Variants in PARVA observed in about 807,000 individuals in gnomAD.
The protein encoded by PARVA is alpha-parvin.
Under a neutral mutation model 52.6 loss-of-function variants are expected in PARVA, and 25 were observed. The observed-to-expected ratio is 0.48, with a 90% CI of 0.35 to 0.66. The LOEUF (loss-of-function observed/expected upper bound fraction) is 0.66, where lower values mean the gene tolerates loss of function less well. PARVA is among the 30% of genes least tolerant of loss of function. PARVA has a pLI of 0.01. For missense variants in PARVA, 373 were observed against 450.9 expected, an observed-to-expected ratio of 0.83 and a Z score of 1.56; for synonymous variants, 185 against 179.1, an observed-to-expected ratio of 1.03 and a Z score of -0.26.
chr11:12,530,328 A>C lies in PARVA; in HGVS notation c.*2403A>C, dbSNP rs1355758285. 2 of 152,290 alleles carry C rather than the reference A, an allele frequency of 1.3e-5. No individual in the cohort carries two copies. Among genetic ancestry groups the C allele is most frequent in the African/African-American group, 4.8e-5 (2 of 41,572 alleles). The allele number at this position is 152,290 out of a possible 1,614,324, so 9.4% of individuals were successfully genotyped here. A position where few individuals can be genotyped will look rare whatever the true frequency, so the allele number is the denominator to read the frequency against. ...ATCTCCTACTTAATATATGACCATG[A>C]CTTTGAAAGGCAAAAGAGGAATCAA... On this transcript the variant is annotated 3_prime_UTR_variant, in exon 13 of 13. Coordinates refer to ENST00000334956, the MANE Select transcript of PARVA (RefSeq NM_018222.5).
At chr11:12,454,327 T>G (rs1940664709) in intron 1 of PARVA, among the ~76,000 whole-genome samples, 1 of 152,234 alleles carries the variant, frequency 6.6e-6, no homozygotes, top group African/African-American at 2.4e-5. Flanking sequence ...TTTACACAAA[T>G]TGCCACTTAA....
chr11:12,496,714 A>G (rs1408776111), intron 5 of PARVA, 116 bp downstream of exon 5: 7 of 994,500 alleles, frequency 7.0e-6, no homozygotes, highest in Non-Finnish European at 8.7e-6. Flanking sequence ...GGTCAAACTC[A>G]TTTATCTTTG....
chr11:12,471,826 G>A (rs377488666), intron 1 of PARVA, among the ~76,000 whole-genome samples: 179 of 152,314 alleles, frequency 1.2e-3, no homozygotes, highest in African/African-American at 4.2e-3. Context: ...GGACAGTGCC[G>A]ATCAGTGTAG....
chr11:12,471,362 A>AATCTCTTTTAAAAATTTTATTTTTTTAAT (rs60696756), intron 1 of PARVA, among the ~76,000 whole-genome samples: 1 of 152,116 alleles, frequency 6.6e-6, no homozygotes, highest in Non-Finnish European at 1.5e-5. Context: ...TTATCCACTT[A>AATCTCTTTTAAAAATTTTATTTTTTTAAT]CTCTTTTAAA....
chr11:12,454,446 A>C (rs7941350), intron 1 of PARVA, among the ~76,000 whole-genome samples: 12,934 of 152,150 alleles, frequency 0.085, 599 homozygotes, highest in Middle Eastern at 0.12. Context: ...ACATTAGTTG[A>C]ATATTTTTTT....
At chr11:12,401,382 A>G (rs910310441) in intron 1 of PARVA, among the ~76,000 whole-genome samples, 4 of 152,224 alleles carry the variant, frequency 2.6e-5, no homozygotes, top group African/African-American at 4.8e-5. Flanking sequence ...CACTATTTCA[A>G]TTTCCAAAGA....
chr11:12,389,106 T>G (rs1273130158), intron 1 of PARVA, among the ~76,000 whole-genome samples: 1 of 152,092 alleles, frequency 6.6e-6, no homozygotes, highest in Non-Finnish European at 1.5e-5. Flanking sequence ...GGCTGAAAGT[T>G]TCTATTTGCT....
intron 4 of PARVA, among the ~76,000 whole-genome samples, chr11:12,486,328 G>T (rs1184375839): frequency 6.6e-6 from 1 of 151,918 alleles, no homozygotes; most frequent in East Asian, 1.9e-4. Flanking sequence ...GAGGTCGGGA[G>T]TTCGAGACCA....
chr11:12,444,834 C>T (rs1476381430), intron 1 of PARVA, among the ~76,000 whole-genome samples: 1 of 152,198 alleles, frequency 6.6e-6, no homozygotes, highest in Non-Finnish European at 1.5e-5. Context: ...GCAGCTAGGA[C>T]AGGGTAGAAC....
At chr11:12,377,870 A>G in intron 1 of PARVA, 87 bp downstream of exon 1, 2 of 983,754 alleles carry the variant, frequency 2.0e-6, no homozygotes, top group Non-Finnish European at 2.6e-6. Context: ...ACCGGGCGGG[A>G]GCGCGCCGCG....
intron 1 of PARVA, among the ~76,000 whole-genome samples, chr11:12,430,836 G>A (rs1262719544): frequency 3.3e-5 from 5 of 152,124 alleles, no homozygotes; most frequent in Non-Finnish European, 7.4e-5. Flanking sequence ...AAATCCAAAC[G>A]TGCTTGACAG....
intron 10 of PARVA, among the ~76,000 whole-genome samples, chr11:12,516,086 G>A (rs1941563913): frequency 6.6e-6 from 1 of 152,226 alleles, no homozygotes; most frequent in Non-Finnish European, 1.5e-5. Flanking sequence ...CGATCCGCCT[G>A]CCTCAGCCTC....
intron 10 of PARVA, 28 bp from the exon 11 acceptor site, chr11:12,517,582 C>A (rs1184705243): frequency 2.0e-6 from 3 of 1,501,350 alleles, no homozygotes; most frequent in Middle Eastern, 1.8e-4. Flanking sequence ...GCTCAGGGGC[C>A]AGTGCCATCA....
intron 8 of PARVA, among the ~76,000 whole-genome samples, chr11:12,512,343 T>G (rs1941512863): frequency 6.6e-6 from 1 of 152,186 alleles, no homozygotes; most frequent in Admixed American, 6.5e-5. Context: ...CGACTGGGTT[T>G]GTTTGTTTAT....
intron 5 of PARVA, among the ~76,000 whole-genome samples, chr11:12,499,568 T>C (rs1177373340): frequency 6.6e-6 from 1 of 152,298 alleles, no homozygotes; most frequent in African/African-American, 2.4e-5. Context: ...CTAAACACTT[T>C]ATGTATTTTA....
intron 4 of PARVA, among the ~76,000 whole-genome samples, chr11:12,486,665 A>T (rs1174690228): frequency 6.6e-6 from 1 of 152,068 alleles, no homozygotes; most frequent in Non-Finnish European, 1.5e-5. Context: ...GACCAACATG[A>T]TAAAACCTCA....
At chr11:12,390,322 C>T (rs1394205818) in intron 1 of PARVA, among the ~76,000 whole-genome samples, 1 of 152,106 alleles carries the variant, frequency 6.6e-6, no homozygotes, top group East Asian at 1.9e-4. Flanking sequence ...GAGAGGAATT[C>T]AGGAGGGGTC....
rs567982628 is a variant in PARVA at position 12,385,075 on chromosome 11, G to A, written c.136+7292G>A. ...AATGAGGCTGGGCATGGTGGCTCAC[G>A]CCTGTAATCCCAGCACTTTGGGAGG... On this transcript the variant is annotated intron_variant, in intron 1 of 12. Transcript: ENST00000334956. Among the ~76,000 whole-genome samples, 27 of 152,234 alleles carry A rather than the reference G, an allele frequency of 1.8e-4. No homozygotes were observed. In the South Asian group the frequency reaches 2.5e-3, roughly 14 times the overall value.
At position 12,468,626 on chromosome 11, in the gene PARVA, T is replaced by C. The variant is rs192648578; in HGVS notation, c.137-5119T>C. On this transcript the variant is annotated intron_variant, in intron 1 of 12. Coordinates refer to ENST00000334956, the MANE Select transcript of PARVA (RefSeq NM_018222.5). ...TTGGCTCAAACAGTAAGGGAATTTA[T>C]TGTATCTCCTATAACAAGACATATG... Among the ~76,000 whole-genome samples, 3 of 152,324 alleles carry C rather than the reference T, an allele frequency of 2.0e-5. No individual in the cohort carries two copies. The East Asian group carries it at 5.8e-4, about 29-fold the overall frequency.
Sources: allele counts gnomAD v4.1 joint callset (sites outside exome capture counted in the v4.1 genomes callset), GRCh38; gene constraint gnomAD v4.1.1; transcripts MANE v1.5; gene names NCBI Gene and HGNC (gene_info 2026-07-23, HGNC 2026-07-21).